The following ACTR3B variants were observed in gnomAD, a reference collection of about 807,000 sequenced individuals.
ACTR3B encodes the protein actin related protein 3B, also known as actin-related protein 3B.
In ACTR3B, 8 loss-of-function variants were observed where a neutral mutation model predicts 59.0. The ratio of observed to expected loss-of-function variants is 0.14; its 90% confidence interval spans 0.08 to 0.24. ACTR3B has a LOEUF of 0.24. ACTR3B is among the 10% of genes least tolerant of loss of function. The pLI, the probability that ACTR3B is intolerant of heterozygous loss-of-function variation, is 1.00. For missense variants in ACTR3B, 245 were observed against 552.3 expected, an observed-to-expected ratio of 0.44 and a Z score of 5.58; for synonymous variants, 148 against 197.9, an observed-to-expected ratio of 0.75 and a Z score of 2.12.
At chr7:152,764,191 G>A (rs1322430689) in intron 1 of ACTR3B, among the ~76,000 whole-genome samples, 3 of 151,730 alleles carry the variant, frequency 2.0e-5, no homozygotes, top group Non-Finnish European at 4.4e-5. Flanking sequence ...ATTTTTAGTA[G>A]AGATGGGGTT....
intron 2 of ACTR3B, among the ~76,000 whole-genome samples, chr7:152,788,787 T>C (rs1230359723): frequency 6.6e-6 from 1 of 152,090 alleles, no homozygotes; most frequent in Non-Finnish European, 1.5e-5. Context: ...TTGGGAGGGC[T>C]AAGGTGGGTG....
chr7:152,823,855 C>T (rs144508807), intron 8 of ACTR3B, among the ~76,000 whole-genome samples: 4,467 of 152,270 alleles, frequency 0.029, 95 homozygotes, highest in Middle Eastern at 0.099. Context: ...TGGAGGTTGC[C>T]TGTGCATAAG....
intron 5 of ACTR3B, among the ~76,000 whole-genome samples, 181 bp from the exon 6 acceptor site, chr7:152,816,300 G>A (rs546140443): frequency 1.3e-5 from 2 of 151,830 alleles, no homozygotes; most frequent in African/African-American, 2.4e-5. Context: ...CAACATTTTC[G>A]TGTTAGTTGT....
chr7:152,776,388 C>G (rs902496519), intron 1 of ACTR3B, among the ~76,000 whole-genome samples: 2 of 152,108 alleles, frequency 1.3e-5, no homozygotes, highest in African/African-American at 4.8e-5. Context: ...TAGATTTGAT[C>G]ACCTGGACTG....
At chr7:152,766,844 C>T (rs1483248154) in intron 1 of ACTR3B, among the ~76,000 whole-genome samples, 3 of 151,912 alleles carry the variant, frequency 2.0e-5, no homozygotes, top group Non-Finnish European at 4.4e-5. Flanking sequence ...TAGAGTGCGG[C>T]GGCACAGTCT....
chr7:152,827,744 A>G (rs1037180056), intron 9 of ACTR3B, among the ~76,000 whole-genome samples: 1 of 152,182 alleles, frequency 6.6e-6, no homozygotes, highest in African/African-American at 2.4e-5. Context: ...GGGTGATAGA[A>G]TGTTTGGTGG....
chr7:152,797,677 T>C (rs998525624), intron 2 of ACTR3B, among the ~76,000 whole-genome samples: 1 of 152,194 alleles, frequency 6.6e-6, no homozygotes, highest in African/African-American at 2.4e-5. Flanking sequence ...CATCTCCTTG[T>C]CCTTCCCATC....
chr7:152,817,686 A>G (rs1417689230), intron 6 of ACTR3B, among the ~76,000 whole-genome samples: 1 of 152,152 alleles, frequency 6.6e-6, no homozygotes, highest in South Asian at 2.1e-4. Flanking sequence ...TATGTTACAG[A>G]TAATGTTTCT....
intron 1 of ACTR3B, among the ~76,000 whole-genome samples, chr7:152,778,353 G>A (rs1407949031): frequency 2.0e-5 from 3 of 151,036 alleles, no homozygotes; most frequent in South Asian, 2.1e-4. Flanking sequence ...CTTGTGCCTC[G>A]GCCTCCTGAG....
At chr7:152,842,228 GT>G (rs1797922059) in intron 9 of ACTR3B, among the ~76,000 whole-genome samples, 1 of 152,184 alleles carries the variant, frequency 6.6e-6, no homozygotes, top group Non-Finnish European at 1.5e-5. Flanking sequence ...TTTTGATAAA[GT>G]TTATAAATTA....
chr7:152,822,491 C>T (rs1020985893), intron 7 of ACTR3B, among the ~76,000 whole-genome samples: 1 of 152,262 alleles, frequency 6.6e-6, no homozygotes, highest in African/African-American at 2.4e-5. Flanking sequence ...GGGCGGGAAT[C>T]GTTAGCGACT....
intron 7 of ACTR3B, among the ~76,000 whole-genome samples, 200 bp downstream of exon 7, chr7:152,820,642 G>A (rs538863858): frequency 1.3e-5 from 2 of 152,312 alleles, no homozygotes; most frequent in African/African-American, 4.8e-5. Context: ...TGAGGTTTCA[G>A]CTGTCACTGA....
intron 9 of ACTR3B, among the ~76,000 whole-genome samples, chr7:152,850,057 G>T (rs2117011951): frequency 6.6e-6 from 1 of 152,096 alleles, no homozygotes; most frequent in East Asian, 1.9e-4. Context: ...GCTTCTCCAG[G>T]TAGAAGGTCA....
At position 152,769,782 on chromosome 7, in the gene ACTR3B, T is replaced by C. The variant is rs143746565; in HGVS notation, c.44+9856T>C. The stretch of plus-strand genomic sequence containing the variant: ...ATAGTCCTTTTATTTGTGGCTGTTT[T>C]CTGTTGGCTCCCAACTATGAGTAAT... On this transcript the variant is annotated intron_variant, in intron 1 of 11. Transcript: ENST00000256001. 0.015 allele frequency among the ~76,000 whole-genome samples: 2,250 copies of C among 152,116 alleles called. 202 individuals carry two copies. In the East Asian group the frequency reaches 0.26, roughly 18 times the overall value.
At chr7:152,852,041 A>G (rs1798846486) in intron 9 of ACTR3B, 85 bp from the exon 10 acceptor site, 1 of 1,571,726 alleles carries the variant, frequency 6.4e-7, no homozygotes, top group African/African-American at 1.4e-5. Flanking sequence ...AAGCGATTGG[A>G]CCTGTGGGAG....
chr7:152,835,729 C>T (rs1388507410), intron 9 of ACTR3B, among the ~76,000 whole-genome samples: 2 of 152,152 alleles, frequency 1.3e-5, no homozygotes, highest in African/African-American at 4.8e-5. Flanking sequence ...CGCTTTTTCC[C>T]ACGTCATTTT....
At position 152,759,781 on chromosome 7, in the gene ACTR3B, G is replaced by A. The variant is rs1395702138; in HGVS notation, c.-102G>A. On this transcript the variant is annotated 5_prime_UTR_variant, in exon 1 of 12. Transcript: ENST00000256001. ...GGGCTCCCGGCAGCGGCGCTGCGGC[G>A]GCTCGCGGGAGACGCTGCGCGCGGG... is the stretch of plus-strand genomic sequence containing the variant. 347 of 949,716 alleles carry A rather than the reference G, an allele frequency of 3.7e-4. 1 individual carries two copies. Among genetic ancestry groups the A allele is most frequent in the Non-Finnish European group, 4.3e-4 (330 of 769,306 alleles). The allele number at this position is 949,716 out of a possible 1,614,324, so 58.8% of individuals were successfully genotyped here.
At chr7:152,811,705 A>G (rs1352662435) in intron 4 of ACTR3B, 1 of 152,016 alleles carries the variant, frequency 6.6e-6, no homozygotes, top group African/African-American at 2.4e-5. Context: ...AGGGGTAACT[A>G]TCTCCTTCCT....
chr7:152,854,333 C>T lies in ACTR3B; in HGVS notation c.1162-125C>T. ...AGTACATCAGAGAGGTAAAATCTTG[C>T]AGCAGCGGTCCTGGGAGGGAGGGTG... On this transcript the variant is annotated intron_variant, in intron 11 of 11. Transcript: ENST00000256001. The surrounding 1 kb of genome is among the most constrained non-coding windows in gnomAD (Gnocchi z 4.9). 1.3e-6 allele frequency: 1 copy of T among 782,912 alleles called. No individual in the cohort carries two copies. Among genetic ancestry groups the T allele is most frequent in the Admixed American group, 2.2e-5 (1 of 46,442 alleles). The allele number at this position is 782,912 out of a possible 1,614,324, so 48.5% of individuals were successfully genotyped here. A position where few individuals can be genotyped will look rare whatever the true frequency, so the allele number is the denominator to read the frequency against.
Sources: allele counts gnomAD v4.1 joint callset (sites outside exome capture counted in the v4.1 genomes callset), GRCh38; gene constraint gnomAD v4.1.1; non-coding constraint Gnocchi (gnomAD v3.1); transcripts MANE v1.5; gene names NCBI Gene and HGNC (gene_info 2026-07-23, HGNC 2026-07-21).